Variants in WWOX observed in about 807,000 individuals in gnomAD.
WWOX encodes the protein WW domain-containing oxidoreductase.
A neutral mutation model predicts 46.2 loss-of-function variants in WWOX; 69 were observed. The ratio of observed to expected loss-of-function variants is 1.49; its 90% confidence interval spans 1.23 to 1.82. The LOEUF is 1.82. Among genes scored for constraint, WWOX ranks in the 40% most tolerant of loss-of-function variants. The probability of loss-of-function intolerance (pLI) is 0.00; values close to 1 mark genes in which losing one functional copy is unlikely to be tolerated. For synonymous variants in WWOX, 359 were observed against 202.6 expected (o/e 1.77, Z -6.56); for missense variants, 919 against 542.6 (o/e 1.69, Z -6.89).
chr16:78,942,655 G>C (rs1301873470), intron 8 of WWOX, among the ~76,000 whole-genome samples: 1 of 152,186 alleles, frequency 6.6e-6, no homozygotes, highest in Non-Finnish European at 1.5e-5. Context: ...GTGGCATGAA[G>C]AGAAAATGGA....
chr16:78,859,736 C>G (rs1002020407), intron 8 of WWOX, among the ~76,000 whole-genome samples: 2 of 152,076 alleles, frequency 1.3e-5, no homozygotes, highest in African/African-American at 4.8e-5. Flanking sequence ...AGCTGGCAAA[C>G]AGAACACTAA....
chr16:78,216,351 T>C (rs2036720635), intron 5 of WWOX, among the ~76,000 whole-genome samples: 2 of 152,208 alleles, frequency 1.3e-5, no homozygotes. Context: ...ACAGCCATTG[T>C]TTCCAAGTGT....
In WWOX at chr16:79,072,320, A is replaced by T. The variant is rs372626472; in HGVS notation, c.1057-139288A>T. ...AAAAACAGAAAACAGTATTCCTATC[A>T]TATGCATTCTCAACTCTGCAGAGGT... On this transcript the variant is annotated intron_variant, in intron 8 of 8. Coordinates refer to ENST00000566780, the MANE Select transcript of WWOX (RefSeq NM_016373.4). Among the ~76,000 whole-genome samples the T allele has an allele frequency of 4.6e-5, 7 of 152,098 alleles. No individual in the cohort carries two copies. In the East Asian group the frequency reaches 1.4e-3, roughly 29 times the overall value.
intron 8 of WWOX, among the ~76,000 whole-genome samples, chr16:79,041,980 T>G (rs908761257): frequency 7.9e-5 from 12 of 152,184 alleles, no homozygotes; most frequent in Non-Finnish European, 7.3e-5. Flanking sequence ...ACCCTGGTTC[T>G]GCAAAATGGG....
chr16:78,823,914 T>G (rs148590333), intron 8 of WWOX, among the ~76,000 whole-genome samples: 7 of 152,060 alleles, frequency 4.6e-5, no homozygotes, highest in African/African-American at 1.7e-4. Context: ...TAGCTAGGAC[T>G]ACAGGCGAGA....
chr16:78,925,616 T>G (rs542197427), intron 8 of WWOX, among the ~76,000 whole-genome samples: 3 of 152,182 alleles, frequency 2.0e-5, no homozygotes, highest in African/African-American at 7.2e-5. Context: ...TAAAATATAT[T>G]TCTGCTTCGT....
chr16:78,551,348 G>A (rs2044168274), intron 8 of WWOX: 1 of 152,108 alleles, frequency 6.6e-6, no homozygotes, highest in African/African-American at 2.4e-5. Context: ...AAGAAAGGAG[G>A]ATGTTGATCT....
intron 5 of WWOX, among the ~76,000 whole-genome samples, chr16:78,231,201 C>G (rs1597378900): frequency 1.3e-5 from 2 of 152,310 alleles, no homozygotes; most frequent in Middle Eastern, 3.4e-3. Flanking sequence ...TGCAGTTTTC[C>G]TTTCAAACCA....
In WWOX at chr16:79,211,722, G is replaced by T. The variant is rs375757102; in HGVS notation, c.1171G>T (p.Glu391Ter). Residue 391 changes from glutamate to a stop codon, truncating the protein, a stop_gained, in exon 9 of 9, where the codon GAA (glutamate) becomes TAA (stop). Transcript: ENST00000566780. LOFTEE classifies it high-confidence loss of function. The stretch of plus-strand genomic sequence containing the variant: ...CATGCCCTCACCAGAAGCTCAGAGC[G>T]AAGAGACGGCCCGGACCCTGTGGGC... ...RCMPSPEAQS[E>*]ETARTLWALS... 6.2e-7 allele frequency: 1 copy of T among 1,614,222 alleles called. No homozygotes were observed. The highest frequency in any genetic ancestry group is 1.1e-5 in the South Asian group (1 of 91,080).
At chr16:78,427,650 A>C (rs772111044) in intron 7 of WWOX, among the ~76,000 whole-genome samples, 1 of 152,128 alleles carries the variant, frequency 6.6e-6, no homozygotes, top group Non-Finnish European at 1.5e-5. Flanking sequence ...TTGGTAGCAC[A>C]TGCCTGTAAT....
At chr16:79,200,316 C>T (rs560199919) in intron 8 of WWOX, among the ~76,000 whole-genome samples, 6 of 152,234 alleles carry the variant, frequency 3.9e-5, no homozygotes, top group South Asian at 2.1e-4. Context: ...AATAAGTATC[C>T]CGCTCTCAGA....
At chr16:78,662,444 T>C (rs563522294) in intron 8 of WWOX, among the ~76,000 whole-genome samples, 5 of 152,094 alleles carry the variant, frequency 3.3e-5, no homozygotes, top group Admixed American at 3.3e-4. Flanking sequence ...GAAAACAGTA[T>C]TGGAAATTAT....
intron 8 of WWOX, chr16:78,756,811 C>A: frequency 1.8e-6 from 1 of 565,336 alleles, no homozygotes; most frequent in South Asian, 2.5e-5. Context: ...GCATAGTCTT[C>A]TCGGACACCT....
chr16:78,848,624 A>T (rs188870124), intron 8 of WWOX, among the ~76,000 whole-genome samples: 84 of 152,218 alleles, frequency 5.5e-4, no homozygotes, highest in African/African-American at 2.0e-3. Flanking sequence ...AGGAGTATCT[A>T]AGTGGCCAAA....
At chr16:78,715,075 A>G (rs1340456263) in intron 8 of WWOX, among the ~76,000 whole-genome samples, 1 of 152,092 alleles carries the variant, frequency 6.6e-6, no homozygotes, top group African/African-American at 2.4e-5. Flanking sequence ...GAGCCCAGGA[A>G]TTTGAGACCA....
chr16:78,729,462 T>C (rs1193625121), intron 8 of WWOX, among the ~76,000 whole-genome samples: 1 of 152,078 alleles, frequency 6.6e-6, no homozygotes, highest in Non-Finnish European at 1.5e-5. Context: ...CAAGCATCCT[T>C]ATGGAAGAAG....
chr16:78,799,444 A>G (rs2050827910), intron 8 of WWOX, among the ~76,000 whole-genome samples: 2 of 152,120 alleles, frequency 1.3e-5, no homozygotes, highest in South Asian at 2.1e-4. Context: ...TATGAAACTG[A>G]TTTTACTCAC....
At chr16:79,130,009 A>G (rs1041140741) in intron 8 of WWOX, among the ~76,000 whole-genome samples, 7 of 152,240 alleles carry the variant, frequency 4.6e-5, no homozygotes, top group Non-Finnish European at 8.8e-5. Context: ...GCTAATATTT[A>G]CAGAGAGCTT....
At chr16:78,821,661 G>T (rs2051497593) in intron 8 of WWOX, among the ~76,000 whole-genome samples, 1 of 152,128 alleles carries the variant, frequency 6.6e-6, no homozygotes, top group Non-Finnish European at 1.5e-5. Flanking sequence ...GAGGCATGTG[G>T]TCGTTCACAG....
Sources: allele counts gnomAD v4.1 joint callset (sites outside exome capture counted in the v4.1 genomes callset), GRCh38; gene constraint gnomAD v4.1.1; transcripts MANE v1.5; gene names NCBI Gene and HGNC (gene_info 2026-07-23, HGNC 2026-07-21).